Variants in DCC observed in about 807,000 individuals in gnomAD.
DCC encodes DCC netrin 1 receptor.
Under a neutral mutation model 172.5 loss-of-function variants are expected in DCC, and 58 were observed. The observed-to-expected ratio is 0.34, with a 90% CI of 0.27 to 0.42. The LOEUF (loss-of-function observed/expected upper bound fraction) is 0.42. Among genes scored for constraint, DCC ranks in the 10% least tolerant of loss-of-function variants. The probability of loss-of-function intolerance (pLI) is 1.00; values close to 1 mark genes in which losing one functional copy is unlikely to be tolerated. For synonymous variants in DCC, 709 were observed against 644.5 expected, an observed-to-expected ratio of 1.10 and a Z score of -1.52; for missense variants, 1,740 against 1,791.0, an observed-to-expected ratio of 0.97 and a Z score of 0.51.
At chr18:53,018,103 G>A (rs1183620475) in intron 5 of DCC, among the ~76,000 whole-genome samples, 1 of 152,084 alleles carries the variant, frequency 6.6e-6, no homozygotes, top group Non-Finnish European at 1.5e-5. Context: ...AACCACCATG[G>A]CACGTGTATA....
intron 1 of DCC, among the ~76,000 whole-genome samples, chr18:52,584,363 C>T (rs946080989): frequency 7.2e-5 from 11 of 152,160 alleles, no homozygotes; most frequent in Non-Finnish European, 1.0e-4. Flanking sequence ...TTAGATCCAA[C>T]ATTATATGTG....
chr18:53,351,319 T>TATATATATATATATA (rs1568074615), intron 15 of DCC, among the ~76,000 whole-genome samples: 5 of 22,258 alleles, frequency 2.2e-4, no homozygotes, highest in African/African-American at 4.4e-4. Flanking sequence ...ATATATACAC[T>TATATATATATATATA]GTATATATAT....
chr18:53,048,075 C>A (rs896449667), intron 5 of DCC, among the ~76,000 whole-genome samples: 23 of 151,838 alleles, frequency 1.5e-4, no homozygotes, highest in Non-Finnish European at 2.5e-4. Context: ...TAGCCTTTTT[C>A]TTTTGAGTTA....
At chr18:52,725,414 G>A (rs561155633) in intron 1 of DCC, among the ~76,000 whole-genome samples, 1 of 152,288 alleles carries the variant, frequency 6.6e-6, no homozygotes, top group East Asian at 1.9e-4. Context: ...TAGGTTAGAC[G>A]GTGACATAAT....
At position 53,179,813 on chromosome 18, in the gene DCC, T is replaced by C. The variant is rs140962121; in HGVS notation, c.1573+697T>C. On this transcript the variant is annotated intron_variant, in intron 9 of 28. Coordinates refer to ENST00000442544, the MANE Select transcript of DCC (RefSeq NM_005215.4). ...GTTTTTTCTTGTGCATTTCTAATGTTTTTTGAAAAGATTAGTTGCTGATGA... is the reference window on the plus strand; with the variant it reads ...GTTTTTTCTTGTGCATTTCTAATGTCTTTTGAAAAGATTAGTTGCTGATGA... Among the ~76,000 whole-genome samples, 142 of 152,362 alleles carry C rather than the reference T, an allele frequency of 9.3e-4. 2 individuals are homozygous for C. In the East Asian group the frequency reaches 0.026, roughly 28 times the overall value.
chr18:52,654,883 A>G (rs1338451280), intron 1 of DCC, among the ~76,000 whole-genome samples: 1 of 151,854 alleles, frequency 6.6e-6, no homozygotes, highest in African/African-American at 2.4e-5. Flanking sequence ...AAAATTAAGG[A>G]CCTCTCTCTT....
chr18:53,300,958 A>ATTCTTTCTTTCTTCCTTTCTTTCT (rs1436953257), intron 12 of DCC, among the ~76,000 whole-genome samples: 1 of 81,696 alleles, frequency 1.2e-5, no homozygotes, highest in African/African-American at 5.4e-5. Context: ...TTGGTTCTGG[A>ATTCTTTCTTTCTTCCTTTCTTTCT]TTCATTCTTT....
intron 2 of DCC, among the ~76,000 whole-genome samples, chr18:52,865,500 A>T (rs11082953): frequency 0.3 from 45,024 of 151,906 alleles, 7,173 homozygotes; most frequent in South Asian, 0.42. Flanking sequence ...CTCCAGCATC[A>T]GTTGTTTCCT....
chr18:52,861,364 T>C (rs2145361800), intron 2 of DCC, among the ~76,000 whole-genome samples: 1 of 152,258 alleles, frequency 6.6e-6, no homozygotes, highest in African/African-American at 2.4e-5. Flanking sequence ...AATAAGCCAT[T>C]ACAGTCAAAG....
intron 27 of DCC, among the ~76,000 whole-genome samples, chr18:53,526,024 T>G (rs969270292): frequency 5.9e-5 from 9 of 152,178 alleles, no homozygotes; most frequent in African/African-American, 2.2e-4. Flanking sequence ...GTGCCTCTTA[T>G]GATTTTCATG....
At chr18:52,858,339 C>T (rs1908374260) in intron 2 of DCC, among the ~76,000 whole-genome samples, 3 of 152,130 alleles carry the variant, frequency 2.0e-5, no homozygotes, top group South Asian at 4.2e-4. Flanking sequence ...GCAGCAGTAA[C>T]AGCAGTACTG....
intron 25 of DCC, among the ~76,000 whole-genome samples, chr18:53,473,514 A>T (rs868005370): frequency 5.3e-5 from 8 of 152,234 alleles, no homozygotes; most frequent in Non-Finnish European, 7.3e-5. Flanking sequence ...TTTTCATTAA[A>T]CAGAAAAGGA....
intron 2 of DCC, among the ~76,000 whole-genome samples, chr18:52,794,339 A>T (rs532331521): frequency 1.3e-4 from 19 of 151,204 alleles, no homozygotes; most frequent in Admixed American, 1.3e-4. Flanking sequence ...TTCTTTCATC[A>T]TTTTTTTTGT....
chr18:53,463,026 T>G (rs564658050), intron 24 of DCC, among the ~76,000 whole-genome samples: 1 of 152,244 alleles, frequency 6.6e-6, no homozygotes, highest in Non-Finnish European at 1.5e-5. Context: ...CTAAACAGGC[T>G]TTCGCCTGGG....
intron 1 of DCC, among the ~76,000 whole-genome samples, chr18:52,360,212 A>G (rs1984558597): frequency 6.6e-6 from 1 of 152,220 alleles, no homozygotes; most frequent in Non-Finnish European, 1.5e-5. Flanking sequence ...TTGAGTATAT[A>G]AATAAAAATT....
At chr18:52,772,998 GGC>G (rs1278241817) in intron 2 of DCC, among the ~76,000 whole-genome samples, 1 of 152,160 alleles carries the variant, frequency 6.6e-6, no homozygotes, top group Non-Finnish European at 1.5e-5. Flanking sequence ...GATCCTTGAT[GGC>G]AGATTGACTG....
intron 15 of DCC, among the ~76,000 whole-genome samples, chr18:53,379,119 C>T (rs542706110): frequency 1.1e-4 from 16 of 152,288 alleles, no homozygotes; most frequent in African/African-American, 3.6e-4. Context: ...TAACATTTAC[C>T]GTCTGACAGC....
chr18:53,463,260 G>GT (rs922697983), intron 24 of DCC, among the ~76,000 whole-genome samples: 17 of 152,232 alleles, frequency 1.1e-4, no homozygotes, highest in African/African-American at 3.9e-4. Context: ...ATGACATTAA[G>GT]TTGATATCTC....
chr18:53,204,990 A>G (rs1247146971), intron 9 of DCC, among the ~76,000 whole-genome samples: 2 of 152,198 alleles, frequency 1.3e-5, no homozygotes, highest in Admixed American at 1.3e-4. Context: ...TAAATGTAAA[A>G]TAAAATAGGC....
Sources: gnomAD v4.1 joint callset for allele counts (sites outside exome capture counted in the v4.1 genomes callset) on GRCh38, gnomAD v4.1.1 for gene constraint, MANE v1.5 for transcripts, NCBI Gene and HGNC (gene_info 2026-07-23, HGNC 2026-07-21) for gene names.